The following DMXL2 variants were observed in gnomAD, a reference collection of about 807,000 sequenced individuals.
DMXL2 encodes Dmx like 2, also known as dmX-like protein 2.
Under a neutral mutation model 331.1 loss-of-function variants are expected in DMXL2, and 103 were observed. That is an observed-to-expected ratio of 0.31 (90% confidence interval 0.27 to 0.37). The LOEUF (loss-of-function observed/expected upper bound fraction) is 0.37. DMXL2 is among the 10% of genes least tolerant of loss of function. DMXL2 has a pLI of 1.00. For missense variants in DMXL2, 3,171 were observed against 3,642.9 expected, an observed-to-expected ratio of 0.87 and a Z score of 3.33; for synonymous variants, 1,281 against 1,252.1, an observed-to-expected ratio of 1.02 and a Z score of -0.49.
intron 32 of DMXL2, 133 bp downstream of exon 32, chr15:51,464,542 A>G (rs963558897): frequency 3.0e-6 from 2 of 656,934 alleles, no homozygotes; most frequent in East Asian, 5.6e-5. Context: ...ATTTTTCTTA[A>G]GCGTATTCTG....
In DMXL2 at chr15:51,622,753, G is replaced by C. The variant is rs549996596; in HGVS notation, c.-208C>G. 271 of 926,016 alleles carry C rather than the reference G, an allele frequency of 2.9e-4. No individual in the cohort carries two copies. The highest frequency in any genetic ancestry group is 9.1e-4 in the Admixed American group (28 of 30,900). 57.4% of individuals were successfully genotyped at this position (926,016 alleles called of 1,614,324 possible). On this transcript the variant is annotated 5_prime_UTR_variant, in exon 1 of 44. Transcript: ENST00000560891. ...CTCGACCGCCGCCGCCGCCCGGGTC[G>C]CCGCTCAGCTGCGGAAATGCCCGGA...
At chr15:51,597,902 C>A (rs2052941835) in intron 1 of DMXL2, among the ~76,000 whole-genome samples, 1 of 152,152 alleles carries the variant, frequency 6.6e-6, no homozygotes, top group African/African-American at 2.4e-5. Context: ...AGCTATGGCT[C>A]CTTTTCAAAT....
At chr15:51,476,513 G>C in intron 27 of DMXL2, 76 bp downstream of exon 27, 3 of 1,525,334 alleles carry the variant, frequency 2.0e-6, no homozygotes, top group Non-Finnish European at 2.7e-6. Context: ...GCAACAAGCA[G>C]GAAACTGGTC....
At chr15:51,552,340 A>T (rs960570595) in intron 6 of DMXL2, among the ~76,000 whole-genome samples, 1 of 152,138 alleles carries the variant, frequency 6.6e-6, no homozygotes, top group Non-Finnish European at 1.5e-5. Context: ...CACTTAAGAG[A>T]CTACTGTAAA....
intron 1 of DMXL2, among the ~76,000 whole-genome samples, chr15:51,595,653 C>T (rs1228993977): frequency 5.4e-4 from 82 of 152,188 alleles, no homozygotes; most frequent in Admixed American, 9.8e-4. Flanking sequence ...GGCATCACGC[C>T]ACCTGACTTC....
chr15:51,554,451 G>GA lies in DMXL2; in HGVS notation c.568-7044dup, dbSNP rs1209640226. ...AATTACGTAAAATAAAATTAAAAAG[G>GA]AAAAAAAGACATGAATTATATTATT... On this transcript the variant is annotated intron_variant, in intron 6 of 43. Transcript: ENST00000560891. 1.6e-4 allele frequency among the ~76,000 whole-genome samples: 24 copies of GA among 152,082 alleles called. No homozygotes were observed. In the East Asian group the frequency reaches 4.6e-3, roughly 29 times the overall value.
rs2043805312 is a variant in DMXL2, at chr15:51,503,167, G to A, written c.2765-134C>T. The A allele has an allele frequency of 6.0e-6, 4 of 671,010 alleles. No individual in the cohort carries two copies. In the East Asian group the frequency reaches 1.1e-4, roughly 19 times the overall value. 41.6% of individuals were successfully genotyped at this position (671,010 alleles called of 1,614,324 possible). On this transcript the variant is annotated intron_variant, in intron 16 of 43. Coordinates refer to ENST00000560891, the MANE Select transcript of DMXL2 (RefSeq NM_001378457.1). ...TTTGGAGGTGAGGATATAGAGAAAA[G>A]AGAGCTCTTTTTAAAACAGAATGAC...
intron 6 of DMXL2, among the ~76,000 whole-genome samples, chr15:51,550,714 G>A (rs1169485607): frequency 6.6e-6 from 1 of 151,836 alleles, no homozygotes; most frequent in Non-Finnish European, 1.5e-5. Flanking sequence ...GAACATAAAC[G>A]AATAGAATTT....
Position 51,458,740 on chromosome 15 carries a change from G to A in DMXL2, c.8045C>T (p.Ser2682Phe). 6.2e-7 allele frequency: 1 copy of A among 1,614,034 alleles called. No homozygotes were observed. The change falls in exon 35 of 44, where the codon TCT becomes TTT. Residue 2682 changes from serine (S) to phenylalanine (F), a missense_variant. Coordinates refer to ENST00000560891, the MANE Select transcript of DMXL2 (RefSeq NM_001378457.1). ...AACAGAAAATGCCATGATCATATCA[G>A]ATTCCTTATGGATGACTTTCGCCTT... Reference protein sequence around the residue: ...GGKAKVIHKESDMIMAFSVNK... With the variant: ...GGKAKVIHKEFDMIMAFSVNK...
chr15:51,559,785 G>T (rs2049838545), intron 6 of DMXL2, among the ~76,000 whole-genome samples: 1 of 152,104 alleles, frequency 6.6e-6, no homozygotes, highest in Admixed American at 6.6e-5. Flanking sequence ...ATTTACAAAA[G>T]TTTAAAAGTC....
intron 13 of DMXL2, among the ~76,000 whole-genome samples, chr15:51,529,117 A>G (rs1297283840): frequency 6.6e-6 from 1 of 152,148 alleles, no homozygotes; most frequent in Non-Finnish European, 1.5e-5. Context: ...GCAGTACTAA[A>G]AGAGGGAAGT....
chr15:51,505,827 A>G (rs550103411), intron 16 of DMXL2, among the ~76,000 whole-genome samples: 1 of 152,230 alleles, frequency 6.6e-6, no homozygotes, highest in African/African-American at 2.4e-5. Context: ...ATTACAAGAC[A>G]TAATAAAATC....
intron 14 of DMXL2, among the ~76,000 whole-genome samples, chr15:51,516,863 C>T (rs1427487711): frequency 3.3e-5 from 5 of 152,186 alleles, no homozygotes; most frequent in South Asian, 2.1e-4. Context: ...CATAGCTTAG[C>T]GCCCACTTAT....
intron 7 of DMXL2, among the ~76,000 whole-genome samples, chr15:51,546,551 C>G (rs1183267580): frequency 6.6e-6 from 1 of 152,062 alleles, no homozygotes; most frequent in Non-Finnish European, 1.5e-5. Context: ...AACTAGATTT[C>G]TAAGCAAGCT....
At chr15:51,585,456 T>C (rs559919781) in intron 1 of DMXL2, among the ~76,000 whole-genome samples, 4 of 152,286 alleles carry the variant, frequency 2.6e-5, no homozygotes, top group African/African-American at 9.6e-5. Context: ...TAGTATTTCA[T>C]GTTGTGGCTT....
At chr15:51,451,501 T>G (rs908934378) in intron 42 of DMXL2, 144 bp downstream of exon 42, 1 of 649,240 alleles carries the variant, frequency 1.5e-6, no homozygotes, top group Non-Finnish European at 2.6e-6. Context: ...TTCCAAATTT[T>G]TAGTCATTCA....
At chr15:51,494,303 C>T (rs1254329699) in intron 19 of DMXL2, among the ~76,000 whole-genome samples, 1 of 152,148 alleles carries the variant, frequency 6.6e-6, no homozygotes, top group East Asian at 1.9e-4. Context: ...GTAAGAATAA[C>T]AGTGTATCAA....
intron 2 of DMXL2, among the ~76,000 whole-genome samples, chr15:51,573,796 A>G (rs1377685722): frequency 1.3e-5 from 2 of 152,304 alleles, no homozygotes; most frequent in East Asian, 3.9e-4. Flanking sequence ...TACCTATGTA[A>G]CAAACCTACA....
intron 33 of DMXL2, among the ~76,000 whole-genome samples, chr15:51,461,328 A>C (rs549061982): frequency 1.9e-4 from 29 of 152,192 alleles, no homozygotes; most frequent in Non-Finnish European, 3.8e-4. Context: ...CTCGTGGGGA[A>C]GGGCAAGACG....
Sources: allele counts gnomAD v4.1 joint callset (sites outside exome capture counted in the v4.1 genomes callset), GRCh38; gene constraint gnomAD v4.1.1; transcripts MANE v1.5; gene names NCBI Gene and HGNC (gene_info 2026-07-23, HGNC 2026-07-21).